The following PGM5 variants were observed in gnomAD, a reference collection of about 807,000 sequenced individuals.
PGM5 encodes phosphoglucomutase 5.
In PGM5, 23 loss-of-function variants were observed where a neutral mutation model predicts 59.2. The ratio of observed to expected loss-of-function variants is 0.39; its 90% CI spans 0.28 to 0.55. The LOEUF (loss-of-function observed/expected upper bound fraction) is 0.55, where lower values mean the gene tolerates loss of function less well. Among genes scored for constraint, PGM5 ranks in the 20% least tolerant of loss-of-function variants. The pLI, the probability that PGM5 is intolerant of heterozygous loss-of-function variation, is 0.66. For synonymous variants in PGM5, 214 were observed against 286.0 expected (o/e 0.75, Z 2.54); for missense variants, 574 against 748.3 (o/e 0.77, Z 2.72).
At chr9:68,392,562 G>C in intron 6 of PGM5, 89 bp downstream of exon 6, 5 of 1,562,864 alleles carry the variant, frequency 3.2e-6, no homozygotes, top group Non-Finnish European at 4.3e-6. Context: ...ATTCTCCCCT[G>C]CTCCATTTGG....
intron 1 of PGM5, among the ~76,000 whole-genome samples, chr9:68,376,475 C>CTGTGTGTGTGTGTG (rs71353047): frequency 1.2e-4 from 16 of 129,648 alleles, no homozygotes; most frequent in African/African-American, 2.6e-4. Context: ...TGCTTTTGAG[C>CTGTGTGTGTGTGTG]TGTGTGTGTG....
At chr9:68,418,391 T>G (rs1284687201) in intron 6 of PGM5, among the ~76,000 whole-genome samples, 1 of 152,298 alleles carries the variant, frequency 6.6e-6, no homozygotes, top group East Asian at 1.9e-4. Context: ...ACTCTGTTCC[T>G]GCGCTCAGCT....
At chr9:68,410,654 A>G (rs1347565645) in intron 6 of PGM5, among the ~76,000 whole-genome samples, 2 of 152,038 alleles carry the variant, frequency 1.3e-5, no homozygotes, top group Non-Finnish European at 2.9e-5. Context: ...TAAGAAAAGT[A>G]TTTTTCCCAT....
chr9:68,520,190 C>G (rs931810766), intron 10 of PGM5, among the ~76,000 whole-genome samples: 1 of 150,370 alleles, frequency 6.7e-6, no homozygotes, highest in African/African-American at 2.4e-5. Context: ...AAAAGATATA[C>G]AAATGATAAC....
chr9:68,453,982 T>C (rs1823735313), intron 6 of PGM5, among the ~76,000 whole-genome samples: 1 of 152,162 alleles, frequency 6.6e-6, no homozygotes, highest in Non-Finnish European at 1.5e-5. Flanking sequence ...CTGGTGTCTT[T>C]CATTTTCCTT....
intron 6 of PGM5, chr9:68,426,952 A>G (rs1390380663): frequency 6.6e-6 from 1 of 152,252 alleles, no homozygotes; most frequent in Non-Finnish European, 1.5e-5. Context: ...GCTTGTCACA[A>G]GAACTCGGTA....
chr9:68,357,623 G>T (rs1554675875), intron 1 of PGM5: 2 of 642,436 alleles, frequency 3.1e-6, no homozygotes, highest in Non-Finnish European at 5.1e-6. Flanking sequence ...AGCCTTGAGG[G>T]GTTTCCGTCG....
chr9:68,441,482 T>A (rs1438021836), intron 6 of PGM5, among the ~76,000 whole-genome samples: 1 of 152,104 alleles, frequency 6.6e-6, no homozygotes, highest in Non-Finnish European at 1.5e-5. Flanking sequence ...AATCAATCAA[T>A]ACAATCTACT....
chr9:68,510,048 G>C (rs1219735681), intron 10 of PGM5, among the ~76,000 whole-genome samples: 1 of 151,932 alleles, frequency 6.6e-6, no homozygotes, highest in Non-Finnish European at 1.5e-5. Context: ...TCTCAGGTGG[G>C]TAAAATTGTT....
chr9:68,510,148 T>A (rs1824724838), intron 10 of PGM5, among the ~76,000 whole-genome samples: 1 of 7,954 alleles, frequency 1.3e-4, no homozygotes, highest in Non-Finnish European at 2.0e-4. Flanking sequence ...AAATCAGCAT[T>A]TTTTTTTTTT....
chr9:68,485,058 C>T (rs554406119), intron 9 of PGM5, among the ~76,000 whole-genome samples: 47 of 152,282 alleles, frequency 3.1e-4, no homozygotes, highest in African/African-American at 8.4e-4. Context: ...TGGTCTAATC[C>T]GCACTCAGTT....
chr9:68,467,630 C>T (rs1170570591), intron 7 of PGM5, among the ~76,000 whole-genome samples: 1 of 152,198 alleles, frequency 6.6e-6, no homozygotes, highest in East Asian at 1.9e-4. Flanking sequence ...AGATCTTACA[C>T]TGTAATTGGC....
chr9:68,440,613 TTTAAA>T (rs1296231908), intron 6 of PGM5, among the ~76,000 whole-genome samples: 2 of 152,142 alleles, frequency 1.3e-5, no homozygotes, highest in Non-Finnish European at 2.9e-5. Context: ...TTAAAGATAT[TTTAAA>T]TTAAATTAAA....
At chr9:68,505,860 T>A (rs1306903385) in intron 10 of PGM5, among the ~76,000 whole-genome samples, 2 of 151,972 alleles carry the variant, frequency 1.3e-5, no homozygotes, top group Admixed American at 1.3e-4. Flanking sequence ...GGTCACGGGG[T>A]GGGGCTGAAC....
chr9:68,436,579 GTTGT>G (rs1199470816), intron 6 of PGM5, among the ~76,000 whole-genome samples: 3 of 152,130 alleles, frequency 2.0e-5, no homozygotes, highest in Non-Finnish European at 4.4e-5. Flanking sequence ...CTGAGACCTG[GTTGT>G]TTAGCATTTC....
chr9:68,529,164 C>CATGTGTGT lies in PGM5; in HGVS notation c.1615-403_1615-402insATGTGTGT, dbSNP rs1488725319. Reference sequence around the variant, plus strand: ...AGGATGAAGAATGAGCTTTTATTCTCGTGTGTGTGTGTGTGTGTGTGTGTG... The same window carrying CATGTGTGT: ...AGGATGAAGAATGAGCTTTTATTCTCATGTGTGTGTGTGTGTGTGTGTGTGTGTGTGTG... On this transcript the variant is annotated intron_variant, in intron 10 of 10. Coordinates refer to ENST00000396396, the MANE Select transcript of PGM5 (RefSeq NM_021965.4). Among the ~76,000 whole-genome samples the CATGTGTGT allele has an allele frequency of 7.1e-4, 94 of 131,950 alleles. 1 individual carries two copies. Among genetic ancestry groups the CATGTGTGT allele is most frequent in the African/African-American group, 2.5e-3 (87 of 35,052 alleles). The allele number at this position is 131,950 out of a possible 152,430, so 86.6% of individuals were successfully genotyped here.
At chr9:68,376,814 TTTC>T (rs1238696365) in intron 1 of PGM5, among the ~76,000 whole-genome samples, 36 of 107,494 alleles carry the variant, frequency 3.3e-4, no homozygotes, top group African/African-American at 1.4e-3. Context: ...TCTTTCTTTC[TTTC>T]TTTCTTTCTT....
chr9:68,391,463 A>G (rs573621034), intron 4 of PGM5, 71 bp from the exon 5 acceptor site: 6 of 1,277,470 alleles, frequency 4.7e-6, no homozygotes, highest in South Asian at 3.7e-5. Flanking sequence ...TGTTTCCTGT[A>G]CTATTCAGAA....
At chr9:68,509,541 A>G (rs1207129558) in intron 10 of PGM5, among the ~76,000 whole-genome samples, 1 of 152,180 alleles carries the variant, frequency 6.6e-6, no homozygotes, top group Non-Finnish European at 1.5e-5. Context: ...GATGACGGCC[A>G]TTGAAGAGAT....
Sources: allele counts gnomAD v4.1 joint callset (sites outside exome capture counted in the v4.1 genomes callset), GRCh38; gene constraint gnomAD v4.1.1; transcripts MANE v1.5; gene names NCBI Gene and HGNC (gene_info 2026-07-23, HGNC 2026-07-21).